The following DCUN1D2 variants were observed in gnomAD, a reference collection of about 807,000 sequenced individuals.
DCUN1D2 encodes the protein defective in cullin neddylation 1 domain containing 2.
A neutral mutation model predicts 30.9 loss-of-function variants in DCUN1D2; 29 were observed. That is an observed-to-expected ratio of 0.94 (90% CI 0.70 to 1.28). DCUN1D2 has a LOEUF of 1.28. Among genes scored for constraint, DCUN1D2 ranks in the 50% most tolerant of loss-of-function variants. The pLI, the probability that DCUN1D2 is intolerant of heterozygous loss-of-function variation, is 0.00. For synonymous variants in DCUN1D2, 121 were observed against 115.3 expected (o/e 1.05, Z -0.32); for missense variants, 325 against 316.9 (o/e 1.03, Z -0.19).
chr13:113,461,652 G>C (rs1323842899), intron 4 of DCUN1D2, among the ~76,000 whole-genome samples: 1 of 152,234 alleles, frequency 6.6e-6, no homozygotes, highest in African/African-American at 2.4e-5. Flanking sequence ...TGTCCCTAAA[G>C]TGTCAAGTCA....
chr13:113,487,726 G>A (rs2044833084), intron 1 of DCUN1D2, among the ~76,000 whole-genome samples: 1 of 152,188 alleles, frequency 6.6e-6, no homozygotes, highest in African/African-American at 2.4e-5. Flanking sequence ...ACTGCTAATG[G>A]GTACAGTTAT....
At chr13:113,478,927 C>T (rs1187103398) in intron 3 of DCUN1D2, 3 of 151,538 alleles carry the variant, frequency 2.0e-5, no homozygotes, top group East Asian at 1.9e-4. Flanking sequence ...GGAGAGAACA[C>T]GAACATAGTC....
intron 3 of DCUN1D2, 78 bp from the exon 4 acceptor site, chr13:113,474,332 TGTGACCAGGCACGCAGCTCCAGCTG>T (rs1405226747): frequency 1.9e-6 from 3 of 1,545,518 alleles, no homozygotes; most frequent in African/African-American, 1.4e-5. Flanking sequence ...GTGCAGGAAC[TGTGACCAGGCACGCAGCTCCAGCTG>T]GAGACCGTAT....
chr13:113,470,661 C>T (rs1215481544), intron 4 of DCUN1D2, among the ~76,000 whole-genome samples: 16 of 150,998 alleles, frequency 1.1e-4, no homozygotes, highest in South Asian at 2.1e-4. Flanking sequence ...CCCAGCTCCA[C>T]GCAAGACCCA....
chr13:113,482,229 T>C (rs1382359157), intron 2 of DCUN1D2, among the ~76,000 whole-genome samples: 2 of 152,238 alleles, frequency 1.3e-5, no homozygotes, highest in Non-Finnish European at 2.9e-5. Context: ...CCTAAAGTGA[T>C]TGTACCACGT....
intron 1 of DCUN1D2, among the ~76,000 whole-genome samples, chr13:113,489,503 T>C (rs1379225302): frequency 6.6e-6 from 1 of 152,148 alleles, no homozygotes; most frequent in Non-Finnish European, 1.5e-5. Context: ...TCCATCCTCT[T>C]GGTTTCGACA....
chr13:113,464,581 C>T (rs775192763), intron 4 of DCUN1D2, among the ~76,000 whole-genome samples: 15 of 152,250 alleles, frequency 9.9e-5, no homozygotes, highest in East Asian at 1.9e-4. Context: ...GGACGCTGCG[C>T]GTTTCCAGGA....
chr13:113,460,911 C>T (rs2044308028), intron 5 of DCUN1D2, 143 bp downstream of exon 5: 2 of 587,306 alleles, frequency 3.4e-6, no homozygotes, highest in Non-Finnish European at 3.0e-6. Flanking sequence ...GGCAACCTGT[C>T]TGGACCTGCG....
At position 113,490,362 on chromosome 13, in the gene DCUN1D2, G is replaced by A. The variant is rs1415083940; in HGVS notation, c.3+305C>T. 7.1e-6 allele frequency: 2 copies of A among 281,188 alleles called. No homozygotes were observed. The highest frequency in any genetic ancestry group is 6.6e-5 in the East Asian group (1 of 15,154). 17.4% of individuals were successfully genotyped at this position (281,188 alleles called of 1,614,324 possible). ...AGCCGCCCTGGGAAGCCCCCGGCCT[G>A]GGTTCCCGCTCGGCCCCGGCCCCTG... On this transcript the variant is annotated intron_variant, in intron 1 of 6. Transcript: ENST00000478244. This position sits in a 1 kb window ranked among gnomAD's most constrained non-coding sequence, Gnocchi z 5.2.
intron 2 of DCUN1D2, among the ~76,000 whole-genome samples, chr13:113,481,059 G>A (rs78649302): frequency 0.089 from 13,461 of 151,876 alleles, 922 homozygotes; most frequent in Admixed American, 0.23. Flanking sequence ...AAAAATTTAA[G>A]TTTACAGAAA....
In DCUN1D2 at chr13:113,461,971, G is replaced by A. The variant is rs117361614; in HGVS notation, c.521-835C>T. Among the ~76,000 whole-genome samples, 16 of 152,096 alleles carry A rather than the reference G, an allele frequency of 1.1e-4. 1 individual carries two copies. Among genetic ancestry groups the A allele is most frequent in the Admixed American group, 5.9e-4 (9 of 15,270 alleles). ...AGAATTCTATTTTTTTAAAGTGACC[G>A]GCCGGGCGTGGTGGCTCACGCCTGT... On this transcript the variant is annotated intron_variant, in intron 4 of 6. Coordinates refer to ENST00000478244, the MANE Select transcript of DCUN1D2 (RefSeq NM_001014283.2).
intron 3 of DCUN1D2, among the ~76,000 whole-genome samples, chr13:113,477,074 G>C (rs892571313): frequency 3.9e-5 from 6 of 152,190 alleles, no homozygotes; most frequent in African/African-American, 1.4e-4. Context: ...CAATTATCTG[G>C]TACAGCAAAT....
At chr13:113,459,700 A>G (rs2044287494) in intron 5 of DCUN1D2, among the ~76,000 whole-genome samples, 1 of 152,236 alleles carries the variant, frequency 6.6e-6, no homozygotes, top group South Asian at 2.1e-4. Context: ...TTACCTGCCC[A>G]TTAGCTGCAT....
At chr13:113,491,560 C>T (rs990281243), upstream of DCUN1D2, among the ~76,000 whole-genome samples, 7 of 152,132 alleles carry the variant, frequency 4.6e-5, no homozygotes, top group Non-Finnish European at 7.4e-5. Flanking sequence ...CTCTCTCTCT[C>T]CTCGGGGCTC....
At chr13:113,484,312 G>T in intron 1 of DCUN1D2, 1 of 639,508 alleles carries the variant, frequency 1.6e-6, no homozygotes, top group Non-Finnish European at 2.4e-6. Flanking sequence ...AGTTCACTCT[G>T]CATGAAGTGT....
In DCUN1D2 at chr13:113,480,388, AGT is replaced by A. The variant is rs573396409; in HGVS notation, c.389+185_389+186del. On this transcript the variant is annotated intron_variant, in intron 3 of 6. Transcript: ENST00000478244. ...AAAATAAAAATGTGAAATGAAATAAAGTGTTAAATTGAAAATTAAAAGGAAAC... is the reference window on the plus strand; with the variant it reads ...AAAATAAAAATGTGAAATGAAATAAAGTTAAATTGAAAATTAAAAGGAAAC... The A allele has an allele frequency of 1.5e-3, 693 of 472,898 alleles. 2 individuals carry two copies. Among genetic ancestry groups the A allele is most frequent in the Admixed American group, 9.8e-4 (25 of 25,624 alleles). 29.3% of individuals were successfully genotyped at this position (472,898 alleles called of 1,614,324 possible). A position where few individuals can be genotyped will look rare whatever the true frequency, so the allele number is the denominator to read the frequency against.
At chr13:113,484,561 A>G (rs987569927) in intron 1 of DCUN1D2, among the ~76,000 whole-genome samples, 2 of 152,216 alleles carry the variant, frequency 1.3e-5, no homozygotes, top group African/African-American at 4.8e-5. Context: ...AATAGCGTTA[A>G]AAGTAATTTA....
At chr13:113,458,857 C>T (rs1232277361) in intron 6 of DCUN1D2, among the ~76,000 whole-genome samples, 1 of 152,204 alleles carries the variant, frequency 6.6e-6, no homozygotes, top group Non-Finnish European at 1.5e-5. Context: ...TGGCAGCGTG[C>T]CCAGCACACA....
chr13:113,460,909 G>T, intron 5 of DCUN1D2, 145 bp downstream of exon 5: 1 of 585,024 alleles, frequency 1.7e-6, no homozygotes, highest in Non-Finnish European at 3.0e-6. Flanking sequence ...GTGGCAACCT[G>T]TCTGGACCTG....
Sources: allele counts gnomAD v4.1 joint callset (sites outside exome capture counted in the v4.1 genomes callset), GRCh38; gene constraint gnomAD v4.1.1; non-coding constraint Gnocchi (gnomAD v3.1); transcripts MANE v1.5; gene names NCBI Gene and HGNC (gene_info 2026-07-23, HGNC 2026-07-21).